Variants in PRPSAP2 observed in about 807,000 individuals in gnomAD.
The protein encoded by PRPSAP2 is phosphoribosyl pyrophosphate synthetase associated protein 2.
Under a neutral mutation model 40.6 loss-of-function variants are expected in PRPSAP2, and 24 were observed. That is an observed-to-expected ratio of 0.59 (90% confidence interval 0.43 to 0.83). The LOEUF (loss-of-function observed/expected upper bound fraction) is 0.83, where lower values mean the gene tolerates loss of function less well. Ranked by LOEUF, PRPSAP2 falls within the 40% of genes least tolerant of loss-of-function variation. PRPSAP2 has a pLI of 0.00. For synonymous variants in PRPSAP2, 149 were observed against 164.7 expected, an observed-to-expected ratio of 0.90 and a Z score of 0.73; for missense variants, 292 against 465.6, an observed-to-expected ratio of 0.63 and a Z score of 3.43.
At chr17:18,908,832 G>T in intron 8 of PRPSAP2, 1 of 705,002 alleles carries the variant, frequency 1.4e-6, no homozygotes, top group East Asian at 2.8e-5. Context: ...TGGTGGAGGA[G>T]GAAACCAAGG....
At chr17:18,915,684 C>T (rs1475774703) in intron 9 of PRPSAP2, among the ~76,000 whole-genome samples, 1 of 152,136 alleles carries the variant, frequency 6.6e-6, no homozygotes, top group Non-Finnish European at 1.5e-5. Context: ...AACCTGTTCT[C>T]ATGGGAACTA....
intron 4 of PRPSAP2, among the ~76,000 whole-genome samples, chr17:18,871,961 A>G (rs188932939): frequency 6.6e-6 from 1 of 152,074 alleles, no homozygotes; most frequent in Non-Finnish European, 1.5e-5. Context: ...TGCCTGGCCT[A>G]TGATTGTCTA....
intron 8 of PRPSAP2, among the ~76,000 whole-genome samples, chr17:18,898,057 G>A (rs992849479): frequency 1.5e-5 from 2 of 137,182 alleles, no homozygotes; most frequent in Non-Finnish European, 3.0e-5. Context: ...GGAGTGCAGT[G>A]GTGCAATCTT....
chr17:18,909,240 C>CTT (rs71155371), intron 8 of PRPSAP2, among the ~76,000 whole-genome samples: 22 of 95,972 alleles, frequency 2.3e-4, no homozygotes, highest in South Asian at 3.4e-4. Context: ...ACAGTGTGGC[C>CTT]TTTTTTTTTT....
At chr17:18,922,741 G>T (rs924393047) in intron 9 of PRPSAP2, among the ~76,000 whole-genome samples, 3 of 137,250 alleles carry the variant, frequency 2.2e-5, no homozygotes, top group African/African-American at 8.3e-5. Context: ...TGGTGCAATC[G>T]TGGCTCACTG....
chr17:18,913,860 C>G (rs1028713543), intron 9 of PRPSAP2, among the ~76,000 whole-genome samples: 2 of 151,462 alleles, frequency 1.3e-5, no homozygotes, highest in African/African-American at 4.8e-5. Flanking sequence ...TTCTTTCTAT[C>G]CATACTAATC....
upstream of PRPSAP2, chr17:18,857,960 G>A (rs2151865569): frequency 6.6e-6 from 1 of 152,452 alleles, no homozygotes; most frequent in South Asian, 2.1e-4. Context: ...ACCAAAACAG[G>A]CGCATCCCCG....
rs557410210 is a variant in PRPSAP2, at chr17:18,925,385, G to A, written c.804+1401G>A. ...GCTGCCCATCTTGATCCTGTAGTCA[G>A]CCATGAGGGCTTGTGGCCTTAAATG... On this transcript the variant is annotated intron_variant, in intron 10 of 11. Coordinates refer to ENST00000268835, the MANE Select transcript of PRPSAP2 (RefSeq NM_002767.4). 7.8e-4 allele frequency among the ~76,000 whole-genome samples: 119 copies of A among 152,326 alleles called. 1 individual carries two copies. The Middle Eastern group carries it at 0.017, about 22-fold the overall frequency.
chr17:18,884,902 C>T (rs558554846), intron 7 of PRPSAP2, among the ~76,000 whole-genome samples: 2 of 152,220 alleles, frequency 1.3e-5, no homozygotes, highest in Non-Finnish European at 2.9e-5. Flanking sequence ...ATGTTGTGTG[C>T]CAATGTCTCA....
At chr17:18,866,590 A>G (rs2037450457) in intron 3 of PRPSAP2, among the ~76,000 whole-genome samples, 1 of 152,178 alleles carries the variant, frequency 6.6e-6, no homozygotes, top group African/African-American at 2.4e-5. Flanking sequence ...ATATTATATG[A>G]AATAACTTAT....
At chr17:18,926,239 A>G (rs1444397489) in intron 10 of PRPSAP2, among the ~76,000 whole-genome samples, 1 of 121,076 alleles carries the variant, frequency 8.3e-6, no homozygotes, top group Non-Finnish European at 1.9e-5. Context: ...CCACTGCATT[A>G]TTTATTTATT....
intron 1 of PRPSAP2, among the ~76,000 whole-genome samples, chr17:18,864,440 GCCA>G (rs1340665071): frequency 1.3e-5 from 2 of 151,874 alleles, no homozygotes; most frequent in African/African-American, 4.8e-5. Context: ...ACTATAGGCA[GCCA>G]CCACCACGCC....
intron 4 of PRPSAP2, among the ~76,000 whole-genome samples, chr17:18,872,321 A>G (rs2037953064): frequency 1.3e-5 from 2 of 152,128 alleles, no homozygotes; most frequent in Non-Finnish European, 2.9e-5. Flanking sequence ...ACAGCACTCA[A>G]CTGTTTGTAT....
rs539763951 is a variant in PRPSAP2 at position 18,894,663 on chromosome 17, T to A, written c.584+4786T>A. ...CAGCTAATTTTTAATTTTTGTATTT[T>A]TAGTAGAGATGGGGTTTCACCATCT... On this transcript the variant is annotated intron_variant, in intron 8 of 11. Coordinates refer to ENST00000268835, the MANE Select transcript of PRPSAP2 (RefSeq NM_002767.4). Among the ~76,000 whole-genome samples, 4 of 152,054 alleles carry A rather than the reference T, an allele frequency of 2.6e-5. No individual in the cohort carries two copies. The South Asian group carries it at 8.3e-4, about 32-fold the overall frequency.
chr17:18,917,594 T>TTC lies in PRPSAP2; in HGVS notation c.734-6319_734-6318insCT, dbSNP rs1567744619. ...ATTATTATTATTATTATTTTTTTTT[T>TTC]TTTTTTTTTTTTTTTTTTTTTTTTT... is the stretch of plus-strand genomic sequence containing the variant. On this transcript the variant is annotated intron_variant, in intron 9 of 11. Transcript: ENST00000268835. 3.0e-5 allele frequency: 3 copies of TTC among 101,280 alleles called. No homozygotes were observed. In the East Asian group the frequency reaches 8.3e-4, roughly 28 times the overall value. The allele number at this position is 101,280 out of a possible 1,614,324, so 6.3% of individuals were successfully genotyped here.
chr17:18,892,741 A>ATTT (rs1252254393), intron 8 of PRPSAP2, among the ~76,000 whole-genome samples: 2 of 69,646 alleles, frequency 2.9e-5, no homozygotes, highest in African/African-American at 1.0e-4. Context: ...TTATTTATTT[A>ATTT]TTTATTTTTT....
At chr17:18,885,057 G>A (rs2039033492) in intron 7 of PRPSAP2, among the ~76,000 whole-genome samples, 1 of 152,110 alleles carries the variant, frequency 6.6e-6, no homozygotes, top group Admixed American at 6.6e-5. Context: ...TCTACCTGAG[G>A]ATGACACTGC....
chr17:18,930,738 CAT>C lies in PRPSAP2; in HGVS notation c.*42_*43del, dbSNP rs796657890. The C allele has an allele frequency of 6.4e-7, 1 of 1,557,568 alleles. No homozygotes were observed. The highest frequency in any genetic ancestry group is 1.1e-5 in the South Asian group (1 of 87,114). On this transcript the variant is annotated 3_prime_UTR_variant, in exon 12 of 12. Transcript: ENST00000268835. ...AAACTCCCGAGGGCCAAACTGGAAA[CAT>C]AAGAGTGACTGCTCGGTGGGATGGA... is the stretch of plus-strand genomic sequence containing the variant.
At chr17:18,879,164 C>T (rs184707491) in intron 6 of PRPSAP2, among the ~76,000 whole-genome samples, 2 of 152,312 alleles carry the variant, frequency 1.3e-5, no homozygotes, top group East Asian at 3.9e-4. Context: ...GCCACCATAG[C>T]CAGCCTGAAT....
Sources: allele counts gnomAD v4.1 joint callset (sites outside exome capture counted in the v4.1 genomes callset), GRCh38; gene constraint gnomAD v4.1.1; transcripts MANE v1.5; gene names NCBI Gene and HGNC (gene_info 2026-07-23, HGNC 2026-07-21).